Variants in KCTD14 observed in about 807,000 individuals in gnomAD.
KCTD14 encodes the protein potassium channel tetramerization domain containing 14.
KCTD14 carries 7 observed loss-of-function variants against 5.9 expected under a neutral mutation model. The ratio of observed to expected loss-of-function variants is 1.19; its 90% CI spans 0.68 to 2.23. The LOEUF is 2.23. KCTD14 is among the 30% of genes most tolerant of loss of function. The pLI is 0.00. For missense variants in KCTD14, 342 were observed against 332.2 expected, an observed-to-expected ratio of 1.03 and a Z score of -0.23; for synonymous variants, 140 against 133.1, an observed-to-expected ratio of 1.05 and a Z score of -0.36.
chr11:78,034,549 A>G (rs7479824), intron 2 of KCTD14, among the ~76,000 whole-genome samples: 16,294 of 149,992 alleles, frequency 0.11, 2,881 homozygotes, highest in African/African-American at 0.38. Flanking sequence ...TCTTTCTTTC[A>G]AGTCATGTGT....
chr11:78,033,901 G>GTGTGTGTGTACATATATATATATATTTA, intron 2 of KCTD14, among the ~76,000 whole-genome samples: 1 of 115,604 alleles, frequency 8.7e-6, no homozygotes, highest in Non-Finnish European at 1.7e-5. Context: ...GTGTGTGTGT[G>GTGTGTGTGTACATATATATATATATTTA]TATATATATA....
chr11:78,017,968 G>A (rs373434309), intron 1 of KCTD14, among the ~76,000 whole-genome samples: 4 of 151,880 alleles, frequency 2.6e-5, no homozygotes, highest in Admixed American at 6.6e-5. Context: ...GTGATGGCAC[G>A]CGCCTGTAAT....
At chr11:78,045,661 G>T (rs1020350397) in intron 1 of KCTD14, among the ~76,000 whole-genome samples, 19 of 152,196 alleles carry the variant, frequency 1.2e-4, no homozygotes, top group African/African-American at 3.9e-4. Context: ...CAAGATGAGG[G>T]TTGGTTAGAT....
chr11:78,024,399 T>A (rs11604942), upstream of KCTD14, among the ~76,000 whole-genome samples: 2,364 of 108,650 alleles, frequency 0.022, 48 homozygotes, highest in East Asian at 0.051. Flanking sequence ...AAAAAAAAAA[T>A]ATATATATAT....
chr11:78,022,931 A>G, intron 1 of KCTD14: 1 of 539,412 alleles, frequency 1.9e-6, no homozygotes, highest in Admixed American at 3.5e-5. Context: ...AAGGCTGGAC[A>G]GAGCCAAACC....
At chr11:78,018,683 C>T (rs965366222) in intron 1 of KCTD14, among the ~76,000 whole-genome samples, 2 of 149,554 alleles carry the variant, frequency 1.3e-5, no homozygotes, top group African/African-American at 5.0e-5. Flanking sequence ...CTCCAGCCTG[C>T]GCGACAGAAT....
chr11:78,032,737 A>G (rs1857662885), intron 2 of KCTD14, among the ~76,000 whole-genome samples: 2 of 146,858 alleles, frequency 1.4e-5, no homozygotes, highest in African/African-American at 5.2e-5. Flanking sequence ...CAGCATCTCA[A>G]TTTGTCACCC....
At chr11:78,021,297 CAAAAAAAAAAAAAAAAAAA>C (rs531185817) in intron 1 of KCTD14, among the ~76,000 whole-genome samples, 11 of 85,180 alleles carry the variant, frequency 1.3e-4, no homozygotes, top group Non-Finnish European at 1.8e-4. Context: ...GACCCTGTCT[CAAAAAAAAAAAAAAAAAAA>C]AAAAAAAAAA....
intron 2 of KCTD14, among the ~76,000 whole-genome samples, chr11:78,030,873 C>T (rs1465245458): frequency 6.6e-6 from 1 of 151,972 alleles, no homozygotes; most frequent in East Asian, 1.9e-4. Flanking sequence ...AGAAGGAGAC[C>T]CCTGCCAACC....
At chr11:78,044,444 G>T (rs1334381392) in intron 1 of KCTD14, among the ~76,000 whole-genome samples, 1 of 152,178 alleles carries the variant, frequency 6.6e-6, no homozygotes, top group African/African-American at 2.4e-5. Context: ...TGTGAGGAGG[G>T]TTGTAGTAGC....
intron 1 of KCTD14, among the ~76,000 whole-genome samples, chr11:78,017,826 G>A (rs188799064): frequency 7.6e-4 from 115 of 152,288 alleles, no homozygotes; most frequent in Non-Finnish European, 3.8e-4. Context: ...GCCAGGCACG[G>A]TGGCTCACGC....
At position 78,016,710 on chromosome 11, in the gene KCTD14, C is replaced by A; in HGVS notation, c.651G>T (p.Leu217=). 1 of 1,614,204 alleles carries A rather than the reference C, an allele frequency of 6.2e-7. No homozygotes were observed. The highest frequency in any genetic ancestry group is 1.1e-5 in the South Asian group (1 of 91,088). The change falls in exon 2 of 2, where the codon CTG becomes CTT. Residue 217 remains leucine (L), a synonymous_variant. Coordinates refer to ENST00000353172, the MANE Select transcript of KCTD14 (RefSeq NM_023930.4). ...VLDNSDLMHC[L]EMDIKAQGYK... is the part of the protein sequence containing the mutation. ...ACCCCTGGGCCTTAATGTCCATCTC[C>A]AGGCAGTGCATGAGGTCGCTGTTGT... is the stretch of plus-strand genomic sequence containing the variant.
intron 1 of KCTD14, chr11:78,022,888 A>G (rs760682125): frequency 3.3e-5 from 15 of 450,940 alleles, no homozygotes; most frequent in Middle Eastern, 5.8e-4. Context: ...TAAAGACCCA[A>G]TGTAGAGGGA....
intron 1 of KCTD14, 108 bp downstream of exon 1, chr11:78,023,052 G>T (rs1857347613): frequency 1.4e-6 from 1 of 736,004 alleles, no homozygotes; most frequent in African/African-American, 1.8e-5. Context: ...AGAAGCAGGG[G>T]GCTCGGGCGT....
At chr11:78,043,452 T>A (rs1858048557) in intron 1 of KCTD14, among the ~76,000 whole-genome samples, 1 of 152,200 alleles carries the variant, frequency 6.6e-6, no homozygotes, top group Non-Finnish European at 1.5e-5. Flanking sequence ...CTGTGTGTGC[T>A]TTTCGTATGA....
At chr11:78,042,125 C>T in intron 1 of KCTD14, among the ~76,000 whole-genome samples, 1 of 152,238 alleles carries the variant, frequency 6.6e-6, no homozygotes, top group East Asian at 1.9e-4. Context: ...ATGGCTGACT[C>T]CATCTTGCTT....
chr11:78,034,999 A>G (rs1170039656), intron 2 of KCTD14, among the ~76,000 whole-genome samples: 1 of 152,168 alleles, frequency 6.6e-6, no homozygotes, highest in Non-Finnish European at 1.5e-5. Flanking sequence ...CTAAGAGTTG[A>G]TGAGAACCTG....
chr11:78,016,923 G>T lies in KCTD14; in HGVS notation c.438C>A (p.Ser146Arg). ...GGCGCACCATGAGCTCCAGGTTCTC[G>T]CTGTAGCCCGGCACTTGCAGCAAAA... The part of the protein sequence containing the change: ...KQFLLQVPGY[S>R]ENLELMVRLA... The change falls in exon 2 of 2, where the codon AGC (serine) becomes AGA (arginine). Residue 146 changes from serine (S) to arginine (R), a missense_variant. Physicochemically the swap from Ser to Arg is moderately radical, Grantham distance 110 (BLOSUM62 -1). Coordinates refer to ENST00000353172, the MANE Select transcript of KCTD14 (RefSeq NM_023930.4). 1 of 1,614,212 alleles carries T rather than the reference G, an allele frequency of 6.2e-7. No homozygotes were observed. Among genetic ancestry groups the T allele is most frequent in the Middle Eastern group, 1.6e-4 (1 of 6,062 alleles).
intron 1 of KCTD14, chr11:78,046,016 G>A (rs1374549742): frequency 2.4e-6 from 2 of 837,600 alleles, no homozygotes; most frequent in Admixed American, 1.2e-4. Flanking sequence ...GGAGGGGAGC[G>A]TTTGCCAGAA....
Sources: allele counts gnomAD v4.1 joint callset (sites outside exome capture counted in the v4.1 genomes callset), GRCh38; gene constraint gnomAD v4.1.1; transcripts MANE v1.5; gene names NCBI Gene and HGNC (gene_info 2026-07-23, HGNC 2026-07-21).